Variants in FAM120C observed in about 807,000 individuals in gnomAD.
FAM120C encodes the protein constitutive coactivator of PPAR-gamma-like protein 2.
In FAM120C, 14 loss-of-function variants were observed where a neutral mutation model predicts 71.2. The ratio of observed to expected loss-of-function variants is 0.20; its 90% confidence interval spans 0.13 to 0.31. The LOEUF (loss-of-function observed/expected upper bound fraction) is 0.31, where lower values mean the gene tolerates loss of function less well. Ranked by LOEUF, FAM120C falls within the 10% of genes least tolerant of loss-of-function variation. FAM120C has a pLI of 1.00. For missense variants in FAM120C, 500 were observed against 879.0 expected (o/e 0.57, Z 5.45); for synonymous variants, 354 against 353.2 (o/e 1.00, Z -0.03).
intron 10 of FAM120C, among the ~76,000 whole-genome samples, chrX:54,111,774 A>G (rs2066938584): frequency 8.9e-6 from 1 of 112,269 alleles, no homozygotes; most frequent in Non-Finnish European, 1.9e-5. Context: ...CCACAGAATT[A>G]GAAAAAACAA....
chrX:54,140,875 G>T (rs2067122472), intron 4 of FAM120C, among the ~76,000 whole-genome samples: 1 of 106,529 alleles, frequency 9.4e-6, no homozygotes, highest in Admixed American at 1.0e-4. Context: ...GAGAGATAGG[G>T]GTTGCAGTGA....
intron 9 of FAM120C, among the ~76,000 whole-genome samples, chrX:54,126,353 G>A (rs1419820729): frequency 2.7e-5 from 3 of 111,882 alleles, no homozygotes; most frequent in South Asian, 3.7e-4. Flanking sequence ...TGAGCTACAC[G>A]GGTCCACTTA....
chrX:54,129,454 G>A (rs1351882574), intron 9 of FAM120C, among the ~76,000 whole-genome samples: 5 of 108,496 alleles, frequency 4.6e-5, no homozygotes, highest in African/African-American at 1.7e-4. Context: ...TCACTTCCTA[G>A]ATGGGATGGT....
At chrX:54,176,507 T>C (rs1405086692) in intron 1 of FAM120C, among the ~76,000 whole-genome samples, 1 of 109,292 alleles carries the variant, frequency 9.1e-6, no homozygotes, top group Non-Finnish European at 1.9e-5. Context: ...ACCTCTCCTG[T>C]TGGGTGGTTG....
intron 1 of FAM120C, among the ~76,000 whole-genome samples, chrX:54,177,177 T>C (rs1317907856): frequency 2.7e-5 from 3 of 111,484 alleles, no homozygotes; most frequent in African/African-American, 9.8e-5. Flanking sequence ...TGAAGGGCGC[T>C]GTCTGCCATG....
chrX:54,073,191 T>C lies in FAM120C; in HGVS notation c.3133A>G (p.Lys1045Glu). 4 of 1,211,139 alleles carry C rather than the reference T, an allele frequency of 3.3e-6. No homozygotes were observed. Among genetic ancestry groups the C allele is most frequent in the Non-Finnish European group, 4.5e-6 (4 of 895,266 alleles). ...GGAGCTGGAAGACGATGATCACTCT[T>C]CTCTTCCTTGATCAATGCGCCACTG... Reference protein sequence around the residue: ...GNSGALIKEEKSDHRLPAPSQ... With the variant: ...GNSGALIKEEESDHRLPAPSQ... Residue 1045 changes from lysine to glutamate, a missense_variant, in exon 16 of 16, where the codon AAG becomes GAG. Lys to Glu is a moderately conservative substitution (Grantham distance 56). This residue lies in a region of FAM120C where 85 missense variants were observed against 96.1 expected (regional missense o/e 0.88). Transcript: ENST00000375180.
chrX:54,178,913 T>C (rs1195380961), intron 1 of FAM120C, among the ~76,000 whole-genome samples: 5 of 112,099 alleles, frequency 4.5e-5, no homozygotes, highest in African/African-American at 1.6e-4. Context: ...TCATAATCAT[T>C]CTAAAAAAGT....
chrX:54,177,786 C>CAGAAGCCTTGAGGGCACCAACATTTAA (rs1557136835), intron 1 of FAM120C, among the ~76,000 whole-genome samples: 3 of 111,132 alleles, frequency 2.7e-5, no homozygotes, highest in Non-Finnish European at 3.8e-5. Flanking sequence ...ATGACTAGGA[C>CAGAAGCCTTGAGGGCACCAACATTTAA]AGAAGCCTTG....
chrX:54,153,171 T>C (rs1467859452), intron 3 of FAM120C, among the ~76,000 whole-genome samples: 1 of 111,742 alleles, frequency 8.9e-6, no homozygotes, highest in Non-Finnish European at 1.9e-5. Context: ...AGTGTGTGCA[T>C]ATAATTTTTT....
At chrX:54,104,814 G>A (rs1557124576) in intron 10 of FAM120C, among the ~76,000 whole-genome samples, 1 of 108,940 alleles carries the variant, frequency 9.2e-6, no homozygotes, top group African/African-American at 3.4e-5. Flanking sequence ...TCTCGGGGGG[G>A]GAAAAAAAAG....
At chrX:54,078,007 G>A (rs1557120854) in intron 15 of FAM120C, among the ~76,000 whole-genome samples, 1 of 93,390 alleles carries the variant, frequency 1.1e-5, no homozygotes, top group Admixed American at 1.2e-4. Context: ...GCAGTGGCGC[G>A]ATCTCGGCTC....
Position 54,131,461 on chromosome X carries a change from G to A in FAM120C, c.2062+1231C>T, listed in dbSNP as rs184807717. 7.2e-4 allele frequency among the ~76,000 whole-genome samples: 76 copies of A among 104,996 alleles called. 1 individual carries two copies. The highest frequency in any genetic ancestry group is 6.2e-3 in the Admixed American group (61 of 9,787). 91.2% of individuals were successfully genotyped at this position (104,996 alleles called of 115,157 possible). Reference sequence around the variant, plus strand: ...TTTTTTTTTTTTTTTTTTCTGAGACGGAGTTTCGCTCTTGTTGCCGAGGCT... The same window carrying A: ...TTTTTTTTTTTTTTTTTTCTGAGACAGAGTTTCGCTCTTGTTGCCGAGGCT... On this transcript the variant is annotated intron_variant, in intron 9 of 15. Coordinates refer to ENST00000375180, the MANE Select transcript of FAM120C (RefSeq NM_017848.6).
chrX:54,079,850 C>G (rs1046983289), intron 15 of FAM120C, among the ~76,000 whole-genome samples: 3 of 111,221 alleles, frequency 2.7e-5, no homozygotes, highest in African/African-American at 9.8e-5. Flanking sequence ...TCAGCAAAGG[C>G]AAAGAAGTCC....
At chrX:54,182,418 G>T in intron 1 of FAM120C, 82 bp downstream of exon 1, 1 of 1,066,312 alleles carries the variant, frequency 9.4e-7, no homozygotes, top group Non-Finnish European at 1.2e-6. Flanking sequence ...TAGGGTAGTG[G>T]GTAAGTGGGT....
At chrX:54,078,649 C>G (rs2066748580) in intron 15 of FAM120C, among the ~76,000 whole-genome samples, 1 of 111,172 alleles carries the variant, frequency 9.0e-6, no homozygotes, top group African/African-American at 3.3e-5. Flanking sequence ...CAAAATTGCC[C>G]AGGATTACAG....
intron 14 of FAM120C, among the ~76,000 whole-genome samples, chrX:54,080,565 A>G (rs2066759096): frequency 8.9e-6 from 1 of 112,111 alleles, no homozygotes; most frequent in Non-Finnish European, 1.9e-5. Context: ...TGACTTTAAA[A>G]AATGGAAAGT....
At chrX:54,132,420 C>T (rs181363470) in intron 9 of FAM120C, among the ~76,000 whole-genome samples, 1,325 of 107,899 alleles carry the variant, frequency 0.012, 9 homozygotes, top group Non-Finnish European at 0.019. Flanking sequence ...TTAAGTGATC[C>T]GCCTGCCTTG....
chrX:54,182,168 G>A (rs782191871), intron 1 of FAM120C, among the ~76,000 whole-genome samples: 1 of 112,277 alleles, frequency 8.9e-6, no homozygotes, highest in East Asian at 2.8e-4. Context: ...GAAGACACCA[G>A]GAGAAAGATG....
At chrX:54,095,342 C>T (rs1298759228) in intron 10 of FAM120C, among the ~76,000 whole-genome samples, 1 of 100,597 alleles carries the variant, frequency 9.9e-6, no homozygotes, top group East Asian at 3.2e-4. Flanking sequence ...GTAGCTCCCC[C>T]TTTACTCCAC....
Sources: allele counts gnomAD v4.1 joint callset (sites outside exome capture counted in the v4.1 genomes callset), GRCh38; gene constraint gnomAD v4.1.1; regional missense constraint gnomAD v4.1.1; transcripts MANE v1.5; gene names NCBI Gene and HGNC (gene_info 2026-07-23, HGNC 2026-07-21).